The following PLEKHA7 variants were observed in gnomAD, a reference collection of about 807,000 sequenced individuals.
PLEKHA7 encodes pleckstrin homology domain containing A7.
In PLEKHA7, 104 loss-of-function variants were observed where a neutral mutation model predicts 170.0. That is an observed-to-expected ratio of 0.61 (90% CI 0.52 to 0.72). The LOEUF (loss-of-function observed/expected upper bound fraction) is 0.72. PLEKHA7 is among the 30% of genes least tolerant of loss of function. PLEKHA7 has a pLI of 0.00. For missense variants in PLEKHA7, 1,615 were observed against 1,671.7 expected (o/e 0.97, Z 0.59); for synonymous variants, 648 against 660.8 (o/e 0.98, Z 0.30).
intron 3 of PLEKHA7, among the ~76,000 whole-genome samples, chr11:16,907,261 G>T (rs1477209016): frequency 7.0e-6 from 1 of 143,594 alleles, no homozygotes; most frequent in African/African-American, 2.7e-5. Flanking sequence ...AAGGATGTGG[G>T]GGGGTCAGCC....
At chr11:17,006,498 C>T (rs1865002646) in intron 3 of PLEKHA7, among the ~76,000 whole-genome samples, 1 of 151,244 alleles carries the variant, frequency 6.6e-6, no homozygotes, top group Non-Finnish European at 1.5e-5. Context: ...CATGGTGGCG[C>T]ATGCCTGTAG....
chr11:16,989,323 T>C (rs971482422), intron 3 of PLEKHA7, among the ~76,000 whole-genome samples: 1 of 152,146 alleles, frequency 6.6e-6, no homozygotes, highest in Non-Finnish European at 1.5e-5. Context: ...TGAGAGACCA[T>C]AGACAAATTA....
At chr11:16,906,302 T>TCCTCTCCCTCTCCCTCCTCTCCCTCTC (rs1857685038) in intron 3 of PLEKHA7, among the ~76,000 whole-genome samples, 1 of 89,230 alleles carries the variant, frequency 1.1e-5, no homozygotes, top group Non-Finnish European at 2.2e-5. Flanking sequence ...TTGGAAAGGC[T>TCCTCTCCCTCTCCCTCCTCTCCCTCTC]CCTCCTCTCC....
intron 3 of PLEKHA7, among the ~76,000 whole-genome samples, chr11:16,887,818 C>T (rs1165147535): frequency 1.3e-5 from 2 of 151,724 alleles, no homozygotes; most frequent in Admixed American, 6.6e-5. Context: ...GCCGCCACCC[C>T]GTCTGGGAAG....
chr11:16,916,137 G>GT (rs1309575007), intron 3 of PLEKHA7, among the ~76,000 whole-genome samples: 2 of 152,142 alleles, frequency 1.3e-5, no homozygotes, highest in South Asian at 2.1e-4. Flanking sequence ...TGTTTCATGT[G>GT]TTTTTTGGCT....
chr11:16,988,225 G>T (rs117535244), intron 3 of PLEKHA7, among the ~76,000 whole-genome samples: 2,560 of 152,300 alleles, frequency 0.017, 29 homozygotes, highest in Middle Eastern at 0.027. Flanking sequence ...TCCTCCCACC[G>T]TACCTGAGGG....
At chr11:16,919,849 T>C (rs1219380339) in intron 3 of PLEKHA7, among the ~76,000 whole-genome samples, 2 of 152,160 alleles carry the variant, frequency 1.3e-5, no homozygotes, top group East Asian at 3.9e-4. Flanking sequence ...AGAGAAAGGA[T>C]GAGAGAGGGA....
chr11:16,791,011 C>G lies in PLEKHA7; in HGVS notation c.2934G>C (p.Arg978Ser), dbSNP rs142476397. 15 of 1,614,104 alleles carry G rather than the reference C, an allele frequency of 9.3e-6. No homozygotes were observed. The African/African-American group carries it at 1.3e-4, about 14-fold the overall frequency. ...GGCAGCCCCAGGGTCCCCCGCTCAC[C>G]CTGGAATCCCCATTCACACACTGCC... Reference protein sequence around the residue: ...ELGQCVNGDSRVELRSYVSEP... With the variant: ...ELGQCVNGDSSVELRSYVSEP... The change falls in exon 20 of 27, where the codon AGG (arginine) becomes AGC (serine). Residue 978 changes from arginine to serine, a missense_variant and splice_region_variant. By Grantham distance (110) the Arg-to-Ser change is moderately radical (BLOSUM62 -1). Transcript: ENST00000531066. The surrounding 1 kb of genome is among the most constrained non-coding windows in gnomAD (Gnocchi z 4.5).
In PLEKHA7 at chr11:16,826,438, C is replaced by A. The variant is rs774482060; in HGVS notation, c.1025G>T (p.Gly342Val). ...GTCCCTCTGGGAACGGTACTGCTCT[C>A]CCTCCTGCTCCTGCCTCTCGAAGTT... Reference protein sequence around the residue: ...IVNFERQEQEGEQYRSQRDPL... With the variant: ...IVNFERQEQEVEQYRSQRDPL... The change falls in exon 10 of 27, where the codon GGA becomes GTA. Residue 342 changes from glycine (G) to valine (V), a missense_variant. Gly to Val is a moderately radical substitution (Grantham distance 109, BLOSUM62 -3). Transcript: ENST00000531066. 1 of 1,614,248 alleles carries A rather than the reference C, an allele frequency of 6.2e-7. No homozygotes were observed. Among genetic ancestry groups the A allele is most frequent in the Admixed American group, 1.7e-5 (1 of 60,028 alleles).
At chr11:16,916,404 C>T (rs1858683520) in intron 3 of PLEKHA7, among the ~76,000 whole-genome samples, 1 of 152,132 alleles carries the variant, frequency 6.6e-6, no homozygotes. Context: ...GGCTCTGACA[C>T]CTAAAGACCT....
chr11:16,813,053 G>T, intron 13 of PLEKHA7, 60 bp downstream of exon 13: 1 of 1,503,940 alleles, frequency 6.6e-7, no homozygotes, highest in South Asian at 1.1e-5. Flanking sequence ...TGGCTCCAGT[G>T]AGGTGACACT....
intron 3 of PLEKHA7, among the ~76,000 whole-genome samples, chr11:16,937,518 G>A (rs1401823423): frequency 6.6e-6 from 1 of 152,130 alleles, no homozygotes; most frequent in East Asian, 1.9e-4. Context: ...ATAAGACAAA[G>A]AAGAAAGTTG....
chr11:16,800,910 G>T, intron 17 of PLEKHA7, 64 bp downstream of exon 17: 1 of 1,420,672 alleles, frequency 7.0e-7, no homozygotes. Context: ...GAAGTCTCTT[G>T]GAAAAACAAA....
At chr11:16,899,072 G>A (rs1219686179) in intron 3 of PLEKHA7, among the ~76,000 whole-genome samples, 2 of 152,112 alleles carry the variant, frequency 1.3e-5, no homozygotes, top group East Asian at 3.8e-4. Context: ...CTTTGCAAAC[G>A]GATCTTAAAA....
At chr11:16,966,290 ATGTGTGTGTG>A (rs112176840) in intron 3 of PLEKHA7, among the ~76,000 whole-genome samples, 27,112 of 148,946 alleles carry the variant, frequency 0.18, 2,722 homozygotes, top group African/African-American at 0.27. Flanking sequence ...TTGTGCATGT[ATGTGTGTGTG>A]TGTGTGTGTG....
At chr11:16,862,777 G>A (rs778770422) in intron 4 of PLEKHA7, among the ~76,000 whole-genome samples, 11 of 152,284 alleles carry the variant, frequency 7.2e-5, no homozygotes, top group Middle Eastern at 3.4e-3. Flanking sequence ...CCCTACGTGC[G>A]ACTATCATAG....
chr11:16,877,381 C>T (rs1855380154), intron 3 of PLEKHA7, among the ~76,000 whole-genome samples: 1 of 152,212 alleles, frequency 6.6e-6, no homozygotes, highest in Non-Finnish European at 1.5e-5. Context: ...TCTTCACCTT[C>T]AGCTCCAATT....
chr11:16,940,737 G>A (rs1452367453), intron 3 of PLEKHA7, among the ~76,000 whole-genome samples: 2 of 152,084 alleles, frequency 1.3e-5, no homozygotes, highest in East Asian at 1.9e-4. Context: ...TTTTTTTAAA[G>A]GACAAATGAA....
At chr11:16,943,455 A>G (rs1860822877) in intron 3 of PLEKHA7, among the ~76,000 whole-genome samples, 1 of 152,144 alleles carries the variant, frequency 6.6e-6, no homozygotes, top group Non-Finnish European at 1.5e-5. Flanking sequence ...CCGATACAGG[A>G]AAGTACACAG....
Sources: gnomAD v4.1 joint callset for allele counts (sites outside exome capture counted in the v4.1 genomes callset) on GRCh38, gnomAD v4.1.1 for gene constraint, Gnocchi (gnomAD v3.1) non-coding constraint, MANE v1.5 for transcripts, NCBI Gene and HGNC (gene_info 2026-07-23, HGNC 2026-07-21) for gene names.